The following MYOM3 variants were observed in gnomAD, a reference collection of about 807,000 sequenced individuals.
MYOM3 encodes myomesin 3.
A neutral mutation model predicts 191.7 loss-of-function variants in MYOM3; 155 were observed. The observed-to-expected ratio is 0.81, with a 90% CI of 0.71 to 0.92. MYOM3 has a LOEUF of 0.92. Among genes scored for constraint, MYOM3 ranks in the 40% least tolerant of loss-of-function variants. The probability of loss-of-function intolerance (pLI) is 0.00; values close to 1 mark genes in which losing one functional copy is unlikely to be tolerated. For missense variants in MYOM3, 1,889 were observed against 1,890.6 expected, an observed-to-expected ratio of 1.00 and a Z score of 0.02; for synonymous variants, 757 against 762.9, an observed-to-expected ratio of 0.99 and a Z score of 0.13.
At chr1:24,081,744 G>A (rs1212502218) in intron 18 of MYOM3, 2 of 586,810 alleles carry the variant, frequency 3.4e-6, no homozygotes, top group African/African-American at 3.7e-5. Context: ...TGTATTTTTT[G>A]TCAAGACAGG....
At chr1:24,108,221 G>A (rs1644001129) in intron 2 of MYOM3, 148 bp from the exon 3 acceptor site, 2 of 808,824 alleles carry the variant, frequency 2.5e-6, no homozygotes, top group East Asian at 5.6e-5. Context: ...AGAAAGCAAG[G>A]CTGCATCCCC....
chr1:24,062,042 TGTGAA>T lies in MYOM3; in HGVS notation c.3833_3837del (p.Leu1278HisfsTer35). On this transcript the variant is annotated frameshift_variant, in exon 33 of 37. Coordinates refer to ENST00000374434, the MANE Select transcript of MYOM3 (RefSeq NM_152372.4). LOFTEE classifies it high-confidence loss of function. Reference sequence around the variant, plus strand: ...TTGTCTGAGTCTTTGGGGTCCAGGATGTGAAGCCAGATCTCATCCAGGGTGGTGCC... The same window carrying T: ...TTGTCTGAGTCTTTGGGGTCCAGGATGCCAGATCTCATCCAGGGTGGTGCC... The T allele has an allele frequency of 6.2e-7, 1 of 1,614,164 alleles. No individual in the cohort carries two copies. The highest frequency in any genetic ancestry group is 8.5e-7 in the Non-Finnish European group (1 of 1,180,020).
intron 2 of MYOM3, 115 bp from the exon 3 acceptor site, chr1:24,108,188 C>T (rs1644000837): frequency 2.0e-6 from 2 of 987,018 alleles, no homozygotes; most frequent in South Asian, 3.3e-5. Flanking sequence ...AGGGCTGTGC[C>T]TCCCTCCTCA....
At chr1:24,096,606 G>A (rs974147024) in intron 7 of MYOM3, among the ~76,000 whole-genome samples, 3 of 152,196 alleles carry the variant, frequency 2.0e-5, no homozygotes, top group Non-Finnish European at 4.4e-5. Flanking sequence ...GGGTGGAGAG[G>A]GCTGTGCAGG....
chr1:24,060,062 T>C (rs1377907392), intron 35 of MYOM3, among the ~76,000 whole-genome samples: 2 of 152,180 alleles, frequency 1.3e-5, no homozygotes, highest in African/African-American at 4.8e-5. Flanking sequence ...CAACCCAGTA[T>C]TGGTGAATTC....
At chr1:24,060,839 G>A (rs956123839) in intron 35 of MYOM3, among the ~76,000 whole-genome samples, 5 of 152,104 alleles carry the variant, frequency 3.3e-5, no homozygotes, top group African/African-American at 1.2e-4. Flanking sequence ...ATGTGCCTGC[G>A]AGAACCAGGC....
chr1:24,092,038 G>T, intron 11 of MYOM3, 136 bp downstream of exon 11: 1 of 789,058 alleles, frequency 1.3e-6, no homozygotes, highest in Non-Finnish European at 1.8e-6. Flanking sequence ...AGCACAGCCT[G>T]TCTCCTGTCC....
rs376868386 is a variant in MYOM3, at chr1:24,081,414, G to A, written c.2323C>T (p.Arg775Trp). The change falls in exon 19 of 37, where the codon CGG becomes TGG. Residue 775 changes from arginine (R) to tryptophan (W), a missense_variant. By Grantham distance (101) the Arg-to-Trp change is moderately radical. Coordinates refer to ENST00000374434, the MANE Select transcript of MYOM3 (RefSeq NM_152372.4). ...CCAACACCTGCCCAGTTGGCAGCCCGGGCACGGAACTCATAGAAGTGGCCT... is the reference window on the plus strand; with the variant it reads ...CCAACACCTGCCCAGTTGGCAGCCCAGGCACGGAACTCATAGAAGTGGCCT... ...HEGHFYEFRA[R>W]AANWAGVGEL... The A allele has an allele frequency of 7.4e-6, 12 of 1,614,128 alleles. No individual in the cohort carries two copies. The highest frequency in any genetic ancestry group is 1.7e-4 in the Middle Eastern group (1 of 6,054).
intron 27 of MYOM3, among the ~76,000 whole-genome samples, chr1:24,067,330 TTCTTTCTTTC>T (rs1278730056): frequency 2.0e-5 from 1 of 49,498 alleles, no homozygotes; most frequent in Non-Finnish European, 4.4e-5. Context: ...CTTTCCTTCT[TTCTTTCTTTC>T]TTTCTTTCTT....
chr1:24,095,329 T>A, intron 8 of MYOM3, 113 bp downstream of exon 8: 3 of 1,058,360 alleles, frequency 2.8e-6, no homozygotes, highest in Non-Finnish European at 4.2e-6. Context: ...CAAACCCCGG[T>A]GGACGTCCTT....
intron 21 of MYOM3, 23 bp from the exon 22 acceptor site, chr1:24,075,498 G>A (rs368727077): frequency 1.4e-4 from 209 of 1,536,324 alleles, no homozygotes; most frequent in Non-Finnish European, 1.7e-4. Context: ...TCCAACAGAG[G>A]GCAGCGGATG....
intron 19 of MYOM3, among the ~76,000 whole-genome samples, chr1:24,080,911 G>A (rs926027983): frequency 2.2e-4 from 33 of 152,326 alleles, no homozygotes; most frequent in African/African-American, 7.5e-4. Context: ...GGAGCAGTGG[G>A]TAGGGTGGCC....
chr1:24,110,715 T>C (rs1444428094), intron 1 of MYOM3, among the ~76,000 whole-genome samples: 1 of 152,202 alleles, frequency 6.6e-6, no homozygotes, highest in African/African-American at 2.4e-5. Flanking sequence ...AATGACATAA[T>C]GGGACAGTCA....
At chr1:24,071,005 A>G in intron 25 of MYOM3, 112 bp downstream of exon 25, 2 of 1,337,620 alleles carry the variant, frequency 1.5e-6, no homozygotes, top group South Asian at 1.3e-5. Flanking sequence ...GCACACCGTC[A>G]TTTCTGAAAT....
intron 18 of MYOM3, 93 bp downstream of exon 18, chr1:24,081,908 G>GTCAGCC: frequency 7.9e-7 from 1 of 1,259,220 alleles, no homozygotes; most frequent in Non-Finnish European, 1.1e-6. Context: ...TGAGACTTCT[G>GTCAGCC]TCAGCCTCTG....
Position 24,057,700 on chromosome 1 carries a change from C to T in MYOM3, c.4051-73G>A. On this transcript the variant is annotated intron_variant, in intron 36 of 36. Transcript: ENST00000374434. Reference sequence around the variant, plus strand: ...AACTTAGCATTTGCTTTCATGCCCCCAGAGAGCTCCCAGCTCAGGTTGCTC... The same window carrying T: ...AACTTAGCATTTGCTTTCATGCCCCTAGAGAGCTCCCAGCTCAGGTTGCTC... 4.3e-6 allele frequency: 6 copies of T among 1,388,782 alleles called. No homozygotes were observed. The South Asian group carries it at 6.3e-5, about 15-fold the overall frequency. 86.0% of individuals were successfully genotyped at this position (1,388,782 alleles called of 1,614,324 possible).
intron 7 of MYOM3, among the ~76,000 whole-genome samples, chr1:24,096,721 T>C (rs1643879991): frequency 6.6e-6 from 1 of 151,946 alleles, no homozygotes; most frequent in South Asian, 2.1e-4. Flanking sequence ...TGCGCGTGTG[T>C]GTATGAGTGC....
At chr1:24,066,732 C>G (rs1486967506) in intron 28 of MYOM3, 5 of 445,038 alleles carry the variant, frequency 1.1e-5, no homozygotes, top group East Asian at 3.6e-5. Context: ...ACATATAAAC[C>G]CTCGTGGGCT....
intron 16 of MYOM3, chr1:24,083,857 G>A (rs1018503719): frequency 6.6e-6 from 1 of 152,670 alleles, no homozygotes; most frequent in South Asian, 2.1e-4. Flanking sequence ...GGCAAGTTAT[G>A]TAACCTCTCC....
Sources: allele counts gnomAD v4.1 joint callset (sites outside exome capture counted in the v4.1 genomes callset), GRCh38; gene constraint gnomAD v4.1.1; transcripts MANE v1.5; gene names NCBI Gene and HGNC (gene_info 2026-07-23, HGNC 2026-07-21).